SND1: variants seen among roughly 807,000 people sequenced by gnomAD.
The protein encoded by SND1 is staphylococcal nuclease and tudor domain containing 1, also known as staphylococcal nuclease domain-containing protein 1.
In SND1, 38 loss-of-function variants were observed where a neutral mutation model predicts 121.7. That is an observed-to-expected ratio of 0.31 (90% CI 0.24 to 0.41). The LOEUF is 0.41. SND1 is among the 10% of genes least tolerant of loss of function. The pLI is 1.00. For synonymous variants in SND1, 401 were observed against 447.4 expected (o/e 0.90, Z 1.31); for missense variants, 868 against 1,184.6 (o/e 0.73, Z 3.92).
intron 16 of SND1, among the ~76,000 whole-genome samples, chr7:128,063,310 A>T (rs1219758156): frequency 2.0e-5 from 3 of 152,220 alleles, no homozygotes; most frequent in African/African-American, 7.2e-5. Context: ...TAGTCAGTAC[A>T]GGCAAAGCCA....
At chr7:127,842,836 A>T (rs908551643) in intron 11 of SND1, among the ~76,000 whole-genome samples, 5 of 151,934 alleles carry the variant, frequency 3.3e-5, no homozygotes, top group Non-Finnish European at 7.4e-5. Flanking sequence ...GTTCTTAATA[A>T]CTCTTAATCT....
At chr7:127,886,897 A>G (rs1238207053) in intron 12 of SND1, among the ~76,000 whole-genome samples, 1 of 147,542 alleles carries the variant, frequency 6.8e-6, no homozygotes, top group Non-Finnish European at 1.5e-5. Context: ...ATTACTTTGC[A>G]TTAGAGTCTA....
intron 18 of SND1, chr7:128,081,921 A>T (rs746474314): frequency 1.9e-6 from 1 of 536,072 alleles, no homozygotes; most frequent in African/African-American, 1.9e-5. Flanking sequence ...CTGGGGGAGC[A>T]AGGAGTGGTG....
At chr7:127,861,864 A>G (rs972902969) in intron 12 of SND1, among the ~76,000 whole-genome samples, 7 of 152,222 alleles carry the variant, frequency 4.6e-5, no homozygotes. Context: ...CAGGAACTCA[A>G]GGGAAGAATG....
chr7:128,084,712 C>T lies in SND1; in HGVS notation c.2111-12C>T. On this transcript the variant is annotated splice_polypyrimidine_tract_variant and intron_variant, in intron 18 of 23. Transcript: ENST00000354725. ...AGCACCCAGGTCTCACTGTGCTCTT[C>T]CTCCCTGGCAGGCACCCAGTTGGAG... is the stretch of plus-strand genomic sequence containing the variant. 1 of 1,602,430 alleles carries T rather than the reference C, an allele frequency of 6.2e-7. No homozygotes were observed. The highest frequency in any genetic ancestry group is 1.7e-4 in the Middle Eastern group (1 of 6,004).
chr7:128,091,752 G>A lies in SND1; in HGVS notation c.2623-85G>A, dbSNP rs1003193528. 1.1e-5 allele frequency: 15 copies of A among 1,411,264 alleles called. No homozygotes were observed. The African/African-American group carries it at 1.4e-4, about 13-fold the overall frequency. 87.4% of individuals were successfully genotyped at this position (1,411,264 alleles called of 1,614,324 possible). A position where few individuals can be genotyped will look rare whatever the true frequency, so the allele number is the denominator to read the frequency against. The stretch of plus-strand genomic sequence containing the variant: ...GGCTTGAGCAAGGGAGAGCTCTGGC[G>A]CTTACCTAAGCATTCTGCAGGGTCC... On this transcript the variant is annotated intron_variant, in intron 22 of 23. Transcript: ENST00000354725.
chr7:128,027,473 ACCCTTTTCGTCTCT>A (rs1359751579), intron 16 of SND1: 1 of 152,296 alleles, frequency 6.6e-6, no homozygotes, highest in Non-Finnish European at 1.5e-5. Flanking sequence ...GTGAGCCTGT[ACCCTTTTCGTCTCT>A]CCCTTTTCTT....
At chr7:127,940,417 A>G (rs1217853276) in intron 15 of SND1, among the ~76,000 whole-genome samples, 1 of 152,172 alleles carries the variant, frequency 6.6e-6, no homozygotes, top group African/African-American at 2.4e-5. Context: ...GGGGGAGTCC[A>G]TTTGGTCAGA....
At chr7:127,794,296 T>G (rs1397616455) in intron 10 of SND1, among the ~76,000 whole-genome samples, 2 of 152,184 alleles carry the variant, frequency 1.3e-5, no homozygotes, top group Admixed American at 1.3e-4. Context: ...AGAAACCCAG[T>G]GTCTAAAGGG....
rs149367368 is a variant in SND1, at chr7:127,932,459, G to A, written c.1669+3130G>A. 4.5e-4 allele frequency among the ~76,000 whole-genome samples: 69 copies of A among 152,342 alleles called. 2 individuals are homozygous for A. The East Asian group carries it at 0.012, about 26-fold the overall frequency. Reference sequence around the variant, plus strand: ...AAGTTATTTCATGAAATGGAATCTAGTCCCGGCAAAGATGCTGTGAACATT... The same window carrying A: ...AAGTTATTTCATGAAATGGAATCTAATCCCGGCAAAGATGCTGTGAACATT... On this transcript the variant is annotated intron_variant, in intron 15 of 23. Coordinates refer to ENST00000354725, the MANE Select transcript of SND1 (RefSeq NM_014390.4).
Position 128,086,926 on chromosome 7 carries a change from C to T in SND1, c.2305-12C>T. The T allele has an allele frequency of 6.2e-7, 1 of 1,605,624 alleles. No homozygotes were observed. The highest frequency in any genetic ancestry group is 8.5e-7 in the Non-Finnish European group (1 of 1,172,370). Reference sequence around the variant, plus strand: ...GAGTATGTGACATGTTGGCCTGCTGCTTCCTCTGCAGAGAGAGGTCCTGCC... The same window carrying T: ...GAGTATGTGACATGTTGGCCTGCTGTTTCCTCTGCAGAGAGAGGTCCTGCC... On this transcript the variant is annotated splice_polypyrimidine_tract_variant and intron_variant, in intron 20 of 23. Coordinates refer to ENST00000354725, the MANE Select transcript of SND1 (RefSeq NM_014390.4).
intron 16 of SND1, among the ~76,000 whole-genome samples, chr7:127,995,171 G>A (rs950250325): frequency 1.3e-5 from 2 of 152,210 alleles, no homozygotes; most frequent in Non-Finnish European, 2.9e-5. Context: ...GACTACTGCT[G>A]CATATGGTAT....
intron 15 of SND1, among the ~76,000 whole-genome samples, chr7:127,955,507 G>A (rs758358750): frequency 6.6e-6 from 1 of 152,156 alleles, no homozygotes. Flanking sequence ...GGAGTTGTGG[G>A]GGGGTGGTGG....
At chr7:127,813,901 C>T (rs1798379621) in intron 11 of SND1, among the ~76,000 whole-genome samples, 1 of 152,118 alleles carries the variant, frequency 6.6e-6, no homozygotes, top group Admixed American at 6.6e-5. Context: ...TTGTAATATC[C>T]TCTTTAAAAA....
intron 11 of SND1, among the ~76,000 whole-genome samples, chr7:127,829,451 TAGG>T (rs777308333): frequency 4.6e-5 from 7 of 152,224 alleles, no homozygotes; most frequent in Non-Finnish European, 8.8e-5. Flanking sequence ...GTGGACAGAT[TAGG>T]AGATTAAAAG....
At chr7:127,862,242 A>G (rs1263379542) in intron 12 of SND1, among the ~76,000 whole-genome samples, 1 of 152,202 alleles carries the variant, frequency 6.6e-6, no homozygotes, top group Non-Finnish European at 1.5e-5. Flanking sequence ...TTTATTTCCC[A>G]AGCATGAAGT....
At chr7:127,984,692 G>A (rs1802345067) in intron 15 of SND1, among the ~76,000 whole-genome samples, 1 of 152,198 alleles carries the variant, frequency 6.6e-6, no homozygotes, top group East Asian at 1.9e-4. Context: ...CACTGTTTTT[G>A]TTATAGTTTT....
At chr7:127,764,282 T>C (rs1315821494) in intron 10 of SND1, among the ~76,000 whole-genome samples, 1 of 152,242 alleles carries the variant, frequency 6.6e-6, no homozygotes, top group Admixed American at 6.5e-5. Flanking sequence ...CCATAGGAGC[T>C]ATCACCTACC....
At chr7:127,934,851 A>G (rs895437063) in intron 15 of SND1, among the ~76,000 whole-genome samples, 1 of 152,198 alleles carries the variant, frequency 6.6e-6, no homozygotes, top group Admixed American at 6.5e-5. Context: ...TACAGTGCCT[A>G]GAGGACAGGT....
Sources: allele counts gnomAD v4.1 joint callset (sites outside exome capture counted in the v4.1 genomes callset), GRCh38; gene constraint gnomAD v4.1.1; transcripts MANE v1.5; gene names NCBI Gene and HGNC (gene_info 2026-07-23, HGNC 2026-07-21).